MBNL3: variants seen among roughly 807,000 people sequenced by gnomAD.
The protein encoded by MBNL3 is muscleblind like splicing regulator 3, also known as muscleblind-like protein 3.
MBNL3 carries 6 observed loss-of-function variants against 24.5 expected under a neutral mutation model. That is an observed-to-expected ratio of 0.25 (90% CI 0.13 to 0.48). The LOEUF (loss-of-function observed/expected upper bound fraction) is 0.48, where lower values mean the gene tolerates loss of function less well. MBNL3 is among the 20% of genes least tolerant of loss of function. The pLI is 0.99. For missense variants in MBNL3, 230 were observed against 293.5 expected, an observed-to-expected ratio of 0.78 and a Z score of 1.58; for synonymous variants, 100 against 101.7, an observed-to-expected ratio of 0.98 and a Z score of 0.10.
At chrX:132,414,746 T>C (rs1943140095) in intron 2 of MBNL3, among the ~76,000 whole-genome samples, 1 of 111,620 alleles carries the variant, frequency 9.0e-6, no homozygotes, top group Admixed American at 9.5e-5. Context: ...TTCCTCATTC[T>C]ATAGGTAAAG....
chrX:132,399,438 A>C (rs1940454773), intron 3 of MBNL3, among the ~76,000 whole-genome samples: 1 of 111,217 alleles, frequency 9.0e-6, no homozygotes, highest in Non-Finnish European at 1.9e-5. Flanking sequence ...AGTTCTAAAA[A>C]AAAGTGATTT....
chrX:132,449,125 G>A (rs151105940), intron 1 of MBNL3, among the ~76,000 whole-genome samples: 51 of 111,831 alleles, frequency 4.6e-4, no homozygotes, highest in African/African-American at 7.5e-4. Context: ...GGTTTGGGAC[G>A]GAGAGTTCTG....
intron 1 of MBNL3, among the ~76,000 whole-genome samples, chrX:132,472,095 T>C (rs1049383522): frequency 1.8e-5 from 2 of 112,274 alleles, no homozygotes; most frequent in Non-Finnish European, 3.8e-5. Flanking sequence ...TGAAATTGTG[T>C]AGGCTTATTG....
chrX:132,389,746 G>A (rs1423006661), intron 5 of MBNL3, among the ~76,000 whole-genome samples: 1 of 111,159 alleles, frequency 9.0e-6, no homozygotes, highest in Non-Finnish European at 1.9e-5. Flanking sequence ...TCAAAACAAC[G>A]GACAGCTGTG....
chrX:132,483,731 G>A (rs952139687), intron 1 of MBNL3, among the ~76,000 whole-genome samples: 2 of 112,111 alleles, frequency 1.8e-5, no homozygotes, highest in African/African-American at 6.5e-5. Flanking sequence ...AAAGATGATT[G>A]TGGTGGATCT....
intron 1 of MBNL3, among the ~76,000 whole-genome samples, chrX:132,446,410 C>G (rs1382892501): frequency 8.9e-6 from 1 of 112,029 alleles, no homozygotes; most frequent in Admixed American, 9.4e-5. Context: ...ACACATCCAC[C>G]AACAGTGAAA....
At chrX:132,437,778 C>T (rs1184022170) in intron 2 of MBNL3, 2 of 168,446 alleles carry the variant, frequency 1.2e-5, no homozygotes, top group Non-Finnish European at 1.9e-5. Flanking sequence ...TTAAATAATA[C>T]ACAAAATAAT....
At chrX:132,442,977 A>C (rs750503621) in intron 1 of MBNL3, among the ~76,000 whole-genome samples, 9 of 112,184 alleles carry the variant, frequency 8.0e-5, no homozygotes, top group Non-Finnish European at 1.3e-4. Context: ...GAGAAGTGTC[A>C]GTTGTCTCTG....
chrX:132,411,118 A>T, intron 2 of MBNL3: 1 of 750,878 alleles, frequency 1.3e-6, no homozygotes, highest in Non-Finnish European at 1.6e-6. Context: ...AAAATTAATG[A>T]GGCTGAACGT....
At chrX:132,415,072 A>G (rs1476937790) in intron 2 of MBNL3, among the ~76,000 whole-genome samples, 1 of 111,955 alleles carries the variant, frequency 8.9e-6, no homozygotes, top group Non-Finnish European at 1.9e-5. Context: ...CTTCTGAAAT[A>G]AGAACGTCAA....
At chrX:132,453,355 G>A (rs960164721) in intron 1 of MBNL3, among the ~76,000 whole-genome samples, 2 of 111,851 alleles carry the variant, frequency 1.8e-5, no homozygotes, top group Admixed American at 1.9e-4. Context: ...TGCACTCAAC[G>A]TACTGTGGAA....
chrX:132,482,689 T>A (rs1947802877), intron 1 of MBNL3, among the ~76,000 whole-genome samples: 1 of 112,621 alleles, frequency 8.9e-6, no homozygotes, highest in Non-Finnish European at 1.9e-5. Context: ...CATTTTCATT[T>A]GCATTACAAT....
intron 1 of MBNL3, among the ~76,000 whole-genome samples, chrX:132,477,609 A>G (rs1043387914): frequency 8.1e-5 from 9 of 111,312 alleles, no homozygotes; most frequent in African/African-American, 2.9e-4. Context: ...GTACCCCCGG[A>G]AGGCAATATT....
chrX:132,423,371 C>T (rs1297210963), intron 2 of MBNL3, among the ~76,000 whole-genome samples: 3 of 111,126 alleles, frequency 2.7e-5, no homozygotes, highest in Admixed American at 9.6e-5. Flanking sequence ...CTCAGCTCTC[C>T]AATAAACTCA....
In MBNL3 at chrX:132,374,136, AT is replaced by A. The variant is rs1933893076; in HGVS notation, c.*5529del. 8.9e-6 allele frequency: 1 copy of A among 111,975 alleles called. No homozygotes were observed. Among genetic ancestry groups the A allele is most frequent in the African/African-American group, 3.2e-5 (1 of 30,926 alleles). The allele number at this position is 111,975 out of a possible 1,213,427, so 9.2% of individuals were successfully genotyped here. ...CTTAAATACCTATTAATTGATAAAC[AT>A]TTTAACTGACACATATATCAGCTGA... On this transcript the variant is annotated 3_prime_UTR_variant, in exon 9 of 9. Coordinates refer to ENST00000370853, the MANE Select transcript of MBNL3 (RefSeq NM_001386889.1).
chrX:132,488,635 GGAGGAGGAAGAGAA>G (rs768973145), intron 1 of MBNL3, among the ~76,000 whole-genome samples: 56 of 111,264 alleles, frequency 5.0e-4, no homozygotes, highest in Non-Finnish European at 8.7e-4. Context: ...GGAAGGAAGG[GGAGGAGGAAGAGAA>G]GAGGAGGAAG....
At position 132,481,018 on chromosome X, in the gene MBNL3, G is replaced by GA. The variant is rs61695684; in HGVS notation, c.-704+7832dup. 3.2e-3 allele frequency among the ~76,000 whole-genome samples: 333 copies of GA among 105,240 alleles called. 1 individual carries two copies. Among genetic ancestry groups the GA allele is most frequent in the Non-Finnish European group, 4.4e-3 (226 of 50,909 alleles). The allele number at this position is 105,240 out of a possible 115,157, so 91.4% of individuals were successfully genotyped here. ...ATTTATTGTGGCCTTACAGAATAAAGAAAAAAAAAACTCTATATGGAAAAC... is the reference window on the plus strand; with the variant it reads ...ATTTATTGTGGCCTTACAGAATAAAGAAAAAAAAAAACTCTATATGGAAAAC... On this transcript the variant is annotated intron_variant, in intron 1 of 8. Coordinates refer to ENST00000370853, the MANE Select transcript of MBNL3 (RefSeq NM_001386889.1).
At chrX:132,412,822 C>G (rs184378744) in intron 2 of MBNL3, among the ~76,000 whole-genome samples, 1 of 112,223 alleles carries the variant, frequency 8.9e-6, no homozygotes, top group Admixed American at 9.4e-5. Flanking sequence ...AATGCATCAT[C>G]TATTTACAAA....
intron 1 of MBNL3, among the ~76,000 whole-genome samples, chrX:132,472,668 C>T (rs1443234002): frequency 1.8e-5 from 2 of 111,932 alleles, no homozygotes; most frequent in Non-Finnish European, 3.8e-5. Flanking sequence ...TAATATTAAT[C>T]ATACAGACAC....
Sources: allele counts gnomAD v4.1 joint callset (sites outside exome capture counted in the v4.1 genomes callset), GRCh38; gene constraint gnomAD v4.1.1; transcripts MANE v1.5; gene names NCBI Gene and HGNC (gene_info 2026-07-23, HGNC 2026-07-21).